Variants in SNTB1 observed in about 807,000 individuals in gnomAD.
SNTB1 encodes syntrophin beta 1, also known as beta-1-syntrophin.
Under a neutral mutation model 48.9 loss-of-function variants are expected in SNTB1, and 36 were observed. That is an observed-to-expected ratio of 0.74 (90% CI 0.56 to 0.97). The LOEUF is 0.97. Ranked by LOEUF, SNTB1 falls within the 50% of genes least tolerant of loss-of-function variation. The probability of loss-of-function intolerance (pLI) is 0.00; values close to 1 mark genes in which losing one functional copy is unlikely to be tolerated. For missense variants in SNTB1, 786 were observed against 703.4 expected (o/e 1.12, Z -1.33); for synonymous variants, 299 against 294.6 (o/e 1.01, Z -0.15).
intron 1 of SNTB1, among the ~76,000 whole-genome samples, chr8:120,754,305 C>G (rs1236625968): frequency 1.3e-5 from 2 of 151,940 alleles, no homozygotes; most frequent in African/African-American, 4.8e-5. Flanking sequence ...CCAGCCTGGG[C>G]AACATGGTGA....
chr8:120,685,931 A>G (rs896695210), intron 2 of SNTB1, among the ~76,000 whole-genome samples: 1 of 152,224 alleles, frequency 6.6e-6, no homozygotes, highest in African/African-American at 2.4e-5. Context: ...CATGAACACA[A>G]TTTAGCAAAG....
intron 3 of SNTB1, among the ~76,000 whole-genome samples, chr8:120,601,406 A>C (rs1053457526): frequency 1.3e-5 from 2 of 152,204 alleles, no homozygotes; most frequent in East Asian, 3.8e-4. Context: ...AAAACAATTT[A>C]AACTGTGTTT....
chr8:120,590,709 G>A (rs1444317682), intron 3 of SNTB1, among the ~76,000 whole-genome samples: 4 of 139,078 alleles, frequency 2.9e-5, no homozygotes, highest in Admixed American at 7.6e-5. Context: ...TTGAGACAGA[G>A]TCGCTCTGTA....
intron 3 of SNTB1, among the ~76,000 whole-genome samples, chr8:120,584,602 T>C (rs1221007756): frequency 6.6e-6 from 1 of 152,060 alleles, no homozygotes; most frequent in African/African-American, 2.4e-5. Flanking sequence ...AGGAAAGGGC[T>C]GAGGGAGTGA....
intron 3 of SNTB1, among the ~76,000 whole-genome samples, chr8:120,601,433 T>C (rs1417635843): frequency 1.3e-5 from 2 of 152,202 alleles, no homozygotes; most frequent in Admixed American, 6.5e-5. Context: ...AAATACCCCA[T>C]GGACATCCTT....
At chr8:120,793,134 TA>T (rs149435126) in intron 1 of SNTB1, among the ~76,000 whole-genome samples, 278 of 151,128 alleles carry the variant, frequency 1.8e-3, no homozygotes, top group African/African-American at 6.1e-3. Flanking sequence ...TGGAATGAGT[TA>T]AAAAAAAATC....
At chr8:120,635,958 A>C in intron 2 of SNTB1, 1 of 549,604 alleles carries the variant, frequency 1.8e-6, no homozygotes, top group South Asian at 2.2e-5. Context: ...AAGCTTTCAG[A>C]TATGCCCTCT....
chr8:120,704,743 G>A (rs1438224072), intron 1 of SNTB1, among the ~76,000 whole-genome samples: 1 of 151,984 alleles, frequency 6.6e-6, no homozygotes, highest in Non-Finnish European at 1.5e-5. Flanking sequence ...CTTCTAGGAG[G>A]GACACCTAAT....
intron 1 of SNTB1, among the ~76,000 whole-genome samples, chr8:120,755,171 TGA>T (rs35915373): frequency 0.035 from 3,228 of 92,822 alleles, 97 homozygotes; most frequent in African/African-American, 0.15. Flanking sequence ...TGTGTGTGTG[TGA>T]GAGAGAGAGA....
At chr8:120,761,313 AC>A (rs1487031013) in intron 1 of SNTB1, 1 of 152,242 alleles carries the variant, frequency 6.6e-6, no homozygotes, top group Non-Finnish European at 1.5e-5. Context: ...TCTGACACCT[AC>A]AGTTACAGCA....
chr8:120,784,512 G>A (rs1461815827), intron 1 of SNTB1, among the ~76,000 whole-genome samples: 1 of 152,126 alleles, frequency 6.6e-6, no homozygotes, highest in Non-Finnish European at 1.5e-5. Context: ...TGGGCATCTA[G>A]CCACATGGCC....
intron 3 of SNTB1, among the ~76,000 whole-genome samples, chr8:120,582,337 T>G (rs1404488397): frequency 6.6e-6 from 1 of 151,858 alleles, no homozygotes; most frequent in African/African-American, 2.4e-5. Context: ...GAAGAAAGGA[T>G]TCAAGTCAAT....
intron 3 of SNTB1, among the ~76,000 whole-genome samples, chr8:120,603,682 A>T (rs1253429949): frequency 6.6e-6 from 1 of 152,182 alleles, no homozygotes; most frequent in Non-Finnish European, 1.5e-5. Flanking sequence ...AGGACACGAC[A>T]CTGTGCCCAT....
chr8:120,777,188 T>C (rs1819748972), intron 1 of SNTB1, among the ~76,000 whole-genome samples: 1 of 152,110 alleles, frequency 6.6e-6, no homozygotes. Context: ...TAGGAGGAAA[T>C]AGTTGGTTAA....
chr8:120,754,558 A>T (rs1819282126), intron 1 of SNTB1, among the ~76,000 whole-genome samples: 2 of 152,212 alleles, frequency 1.3e-5, no homozygotes, highest in African/African-American at 4.8e-5. Context: ...CAATTTTCTT[A>T]TCCCTAAAGT....
intron 1 of SNTB1, among the ~76,000 whole-genome samples, chr8:120,796,037 T>C (rs1259856566): frequency 6.6e-6 from 1 of 152,016 alleles, no homozygotes; most frequent in Non-Finnish European, 1.5e-5. Context: ...CAGGTTGGAC[T>C]AGGGTCCTGG....
rs575830393 is a variant in SNTB1 at position 120,810,097 on chromosome 8, G to A, written c.571+1176C>T. ...TGAAACAGTCTATTTCAATAGCTAC[G>A]GGCTCATTTATTCATTTACTCAGCA... is the stretch of plus-strand genomic sequence containing the variant. On this transcript the variant is annotated intron_variant, in intron 1 of 6. Transcript: ENST00000517992. Among the ~76,000 whole-genome samples, 8 of 152,226 alleles carry A rather than the reference G, an allele frequency of 5.3e-5. No individual in the cohort carries two copies. In the South Asian group the frequency reaches 1.2e-3, roughly 24 times the overall value.
chr8:120,550,108 A>C (rs1815454243), intron 4 of SNTB1, among the ~76,000 whole-genome samples: 1 of 152,216 alleles, frequency 6.6e-6, no homozygotes, highest in African/African-American at 2.4e-5. Flanking sequence ...TACCTGTTGA[A>C]TTTCTGGCAA....
intron 3 of SNTB1, among the ~76,000 whole-genome samples, chr8:120,602,377 G>A (rs1053528326): frequency 1.3e-5 from 2 of 152,190 alleles, no homozygotes; most frequent in African/African-American, 4.8e-5. Context: ...TTTTTTAGAT[G>A]TGATTAACAC....
Sources: gnomAD v4.1 joint callset for allele counts (sites outside exome capture counted in the v4.1 genomes callset) on GRCh38, gnomAD v4.1.1 for gene constraint, MANE v1.5 for transcripts, NCBI Gene and HGNC (gene_info 2026-07-23, HGNC 2026-07-21) for gene names.